The following MAF variants were observed in gnomAD, a reference collection of about 807,000 sequenced individuals.
The protein encoded by MAF is transcription factor Maf.
Under a neutral mutation model 22.0 loss-of-function variants are expected in MAF, and 10 were observed. The observed-to-expected ratio is 0.45, with a 90% CI of 0.28 to 0.77. The LOEUF is 0.77. Ranked by LOEUF, MAF falls within the 30% of genes least tolerant of loss-of-function variation. The pLI is 0.12. For missense variants in MAF, 544 were observed against 548.4 expected (o/e 0.99, Z 0.08); for synonymous variants, 337 against 255.8 (o/e 1.32, Z -3.03).
At position 79,600,158 on chromosome 16, in the gene MAF, C is replaced by T. The variant is rs1020697839; in HGVS notation, c.-256G>A. The stretch of plus-strand genomic sequence containing the variant: ...TGCTCCCTCGCTCGCCCCGGCCCCT[C>T]CTTGCTCGCTCGCCTCCTTGCGCGC... On this transcript the variant is annotated 5_prime_UTR_variant, in exon 1 of 2. Transcript: ENST00000326043. 17 of 440,512 alleles carry T rather than the reference C, an allele frequency of 3.9e-5. No individual in the cohort carries two copies. The highest frequency in any genetic ancestry group is 6.0e-5 in the Non-Finnish European group (15 of 251,296). The allele number at this position is 440,512 out of a possible 1,614,324, so 27.3% of individuals were successfully genotyped here. A position where few individuals can be genotyped will look rare whatever the true frequency, so the allele number is the denominator to read the frequency against.
chr16:79,234,140 G>C, the MAF span, among the ~76,000 whole-genome samples: 1 of 152,066 alleles, frequency 6.6e-6, no homozygotes, highest in African/African-American at 2.4e-5. Flanking sequence ...CAAGGTGCCA[G>C]TGGCCCTTTT....
At chr16:79,551,838 G>T in the MAF span, among the ~76,000 whole-genome samples, 1 of 152,212 alleles carries the variant, frequency 6.6e-6, no homozygotes, top group East Asian at 1.9e-4. Flanking sequence ...AGCTTGAGTA[G>T]CTGCAACAGA....
At chr16:79,548,623 A>G in the MAF span, among the ~76,000 whole-genome samples, 1 of 151,820 alleles carries the variant, frequency 6.6e-6, no homozygotes, top group East Asian at 1.9e-4. Flanking sequence ...TTTTCTGAAA[A>G]CCCTTGTTTT....
At chr16:79,364,114 G>C in the MAF span, among the ~76,000 whole-genome samples, 1 of 152,182 alleles carries the variant, frequency 6.6e-6, no homozygotes, top group Non-Finnish European at 1.5e-5. Flanking sequence ...AATTTGGTGA[G>C]AGGAGCTCAT....
chr16:79,216,044 G>C, the MAF span, among the ~76,000 whole-genome samples: 6 of 152,202 alleles, frequency 3.9e-5, no homozygotes, highest in Non-Finnish European at 7.3e-5. Flanking sequence ...AGGTGAGCAA[G>C]TGCATGGCAT....
the MAF span, among the ~76,000 whole-genome samples, chr16:79,449,268 C>G: frequency 1.3e-5 from 2 of 152,204 alleles, no homozygotes; most frequent in African/African-American, 4.8e-5. Context: ...CCTCTTGATG[C>G]GCTGCCCAGT....
downstream of MAF, among the ~76,000 whole-genome samples, chr16:79,584,186 G>C (rs912498797): frequency 6.6e-6 from 1 of 152,120 alleles, no homozygotes; most frequent in Non-Finnish European, 1.5e-5. Context: ...AAAATTGTCA[G>C]AAATAAGCCA....
chr16:79,468,394 G>T, the MAF span, among the ~76,000 whole-genome samples: 1 of 152,246 alleles, frequency 6.6e-6, no homozygotes, highest in African/African-American at 2.4e-5. Flanking sequence ...TGGGTGAGAG[G>T]ATTAGCACTT....
At chr16:79,314,129 C>A in the MAF span, among the ~76,000 whole-genome samples, 2 of 152,152 alleles carry the variant, frequency 1.3e-5, no homozygotes, top group African/African-American at 4.8e-5. Flanking sequence ...CCGTGTGGCC[C>A]TTCCTCGTGT....
chr16:79,469,574 T>A, the MAF span, among the ~76,000 whole-genome samples: 1 of 152,108 alleles, frequency 6.6e-6, no homozygotes, highest in Non-Finnish European at 1.5e-5. Flanking sequence ...ATGCAAGGTC[T>A]CATTTATTTA....
At chr16:79,239,927 G>T in the MAF span, among the ~76,000 whole-genome samples, 1 of 152,024 alleles carries the variant, frequency 6.6e-6, no homozygotes, top group Non-Finnish European at 1.5e-5. Flanking sequence ...GATAGTGGCA[G>T]CACAACACGA....
At chr16:79,436,460 A>G in the MAF span, among the ~76,000 whole-genome samples, 1 of 152,226 alleles carries the variant, frequency 6.6e-6, no homozygotes, top group Non-Finnish European at 1.5e-5. Flanking sequence ...CATGTGCGTT[A>G]ACGCTTCTCA....
At chr16:79,394,691 G>T in the MAF span, among the ~76,000 whole-genome samples, 1 of 152,124 alleles carries the variant, frequency 6.6e-6, no homozygotes, top group East Asian at 1.9e-4. Flanking sequence ...GCTGCACACT[G>T]GAATCGCTGG....
At chr16:79,368,939 C>T in the MAF span, among the ~76,000 whole-genome samples, 3 of 152,102 alleles carry the variant, frequency 2.0e-5, no homozygotes, top group Non-Finnish European at 4.4e-5. Flanking sequence ...CTTTTATATA[C>T]CATAAGTTGT....
chr16:79,595,790 G>A (rs1597842851), intron 1 of MAF: 2 of 1,057,350 alleles, frequency 1.9e-6, no homozygotes, highest in East Asian at 1.1e-4. Flanking sequence ...TCCAGGTAGA[G>A]AAGTTCTCCA....
At chr16:79,401,805 A>ATGAC in the MAF span, among the ~76,000 whole-genome samples, 8 of 152,212 alleles carry the variant, frequency 5.3e-5, no homozygotes, top group African/African-American at 1.9e-4. Flanking sequence ...AGCTGCTGAG[A>ATGAC]TGACAGCTGT....
chr16:79,593,032 T>C (rs1367336353), downstream of MAF, among the ~76,000 whole-genome samples: 1 of 152,170 alleles, frequency 6.6e-6, no homozygotes, highest in Non-Finnish European at 1.5e-5. Flanking sequence ...TACTCCTGTA[T>C]TTTAGTCTTC....
chr16:79,457,012 T>C, the MAF span, among the ~76,000 whole-genome samples: 2 of 152,070 alleles, frequency 1.3e-5, no homozygotes, highest in Admixed American at 6.6e-5. Context: ...TATAAGAAAT[T>C]TGGGTAAATG....
the MAF span, among the ~76,000 whole-genome samples, chr16:79,240,814 G>A: frequency 2.0e-5 from 3 of 152,110 alleles, no homozygotes; most frequent in Admixed American, 6.6e-5. Context: ...GCATCTGGCA[G>A]GTGCCCCTCT....
Sources: gnomAD v4.1 joint callset for allele counts (sites outside exome capture counted in the v4.1 genomes callset) on GRCh38, gnomAD v4.1.1 for gene constraint, MANE v1.5 for transcripts, NCBI Gene and HGNC (gene_info 2026-07-23, HGNC 2026-07-21) for gene names.